SDCCAG8: variants seen among roughly 807,000 people sequenced by gnomAD.
SDCCAG8 encodes SHH signaling and ciliogenesis regulator SDCCAG8, also known as serologically defined colon cancer antigen 8.
Under a neutral mutation model 101.8 loss-of-function variants are expected in SDCCAG8, and 74 were observed. The ratio of observed to expected loss-of-function variants is 0.73; its 90% confidence interval spans 0.60 to 0.88. The LOEUF is 0.88. Among genes scored for constraint, SDCCAG8 ranks in the 40% least tolerant of loss-of-function variants. SDCCAG8 has a pLI of 0.00. For missense variants in SDCCAG8, 787 were observed against 822.6 expected (o/e 0.96, Z 0.53); for synonymous variants, 281 against 292.9 (o/e 0.96, Z 0.41).
rs568203386 is a variant in SDCCAG8, at chr1:243,474,769, C to T, written c.1986-14245C>T. Among the ~76,000 whole-genome samples, 2 of 152,356 alleles carry T rather than the reference C, an allele frequency of 1.3e-5. No homozygotes were observed. The highest frequency in any genetic ancestry group is 2.1e-4 in the South Asian group (1 of 4,830). On this transcript the variant is annotated intron_variant, in intron 16 of 17. Transcript: ENST00000366541. The surrounding 1 kb of genome is among the most constrained non-coding windows in gnomAD (Gnocchi z 4.7). ...AGCGCAGGGCTCGGCTAGATGCGCT[C>T]CTCCTCGGACTGGTTGAGTAAGGGA...
rs1382274752 is a variant in SDCCAG8, at chr1:243,415,795, G to A, written c.1710G>A (p.Lys570=). The part of the protein sequence containing the change: ...AQQREQELTQ[K]IQQMEAQHDK... ...AAAGAGAGCAGGAGCTGACACAGAA[G>A]ATACAGCAAATGGAGGCCCAGCATG... Residue 570 remains lysine, a synonymous_variant, in exon 14 of 18, where the codon AAG becomes AAA. Transcript: ENST00000366541. 2.5e-6 allele frequency: 4 copies of A among 1,613,626 alleles called. No homozygotes were observed. The highest frequency in any genetic ancestry group is 3.4e-6 in the Non-Finnish European group (4 of 1,179,780).
At position 243,360,152 on chromosome 1, in the gene SDCCAG8, T is replaced by C. The variant is rs1337457268; in HGVS notation, c.1473+15821T>C. Among the ~76,000 whole-genome samples the C allele has an allele frequency of 4.0e-5, 6 of 148,802 alleles. No individual in the cohort carries two copies. The South Asian group carries it at 6.5e-4, about 16-fold the overall frequency. On this transcript the variant is annotated intron_variant, in intron 12 of 17. Coordinates refer to ENST00000366541, the MANE Select transcript of SDCCAG8 (RefSeq NM_006642.5). The stretch of plus-strand genomic sequence containing the variant: ...TGTTATTGCAACAGTCTCTTTTTTT[T>C]TTTTTTTTTTTGAGATGGTGTCTCG...
chr1:243,384,782 G>GA (rs541341669), intron 13 of SDCCAG8, among the ~76,000 whole-genome samples: 1,696 of 149,764 alleles, frequency 0.011, 21 homozygotes, highest in Non-Finnish European at 0.015. Flanking sequence ...ATCTCTGGGG[G>GA]AAAAAAAAAT....
At chr1:243,392,275 A>G (rs1351334177) in intron 13 of SDCCAG8, among the ~76,000 whole-genome samples, 2 of 152,216 alleles carry the variant, frequency 1.3e-5, no homozygotes, top group Non-Finnish European at 2.9e-5. Flanking sequence ...GGGCATGACC[A>G]CCTGACTGAA....
At chr1:243,304,306 C>T (rs755835518) in intron 6 of SDCCAG8, among the ~76,000 whole-genome samples, 4 of 152,186 alleles carry the variant, frequency 2.6e-5, no homozygotes, top group Non-Finnish European at 5.9e-5. Flanking sequence ...AGTCTATCAT[C>T]ATGTGATATA....
chr1:243,313,268 C>A, intron 8 of SDCCAG8, among the ~76,000 whole-genome samples: 1 of 152,028 alleles, frequency 6.6e-6, no homozygotes, highest in African/African-American at 2.4e-5. Flanking sequence ...TTAGTGATAC[C>A]TAATAATGCT....
At chr1:243,287,389 AT>A in intron 5 of SDCCAG8, among the ~76,000 whole-genome samples, 2 of 150,624 alleles carry the variant, frequency 1.3e-5, no homozygotes, top group South Asian at 4.2e-4. Flanking sequence ...TTTCATTGGG[AT>A]ATCCTCTAAT....
chr1:243,422,255 T>C (rs1186273014), intron 15 of SDCCAG8, among the ~76,000 whole-genome samples: 1 of 152,098 alleles, frequency 6.6e-6, no homozygotes, highest in East Asian at 1.9e-4. Context: ...ACAATGGGAG[T>C]CCATGGGGTC....
rs904347808 is a variant in SDCCAG8, at chr1:243,286,190, A to G, written c.421-82A>G. On this transcript the variant is annotated intron_variant, in intron 4 of 17. Transcript: ENST00000366541. Reference sequence around the variant, plus strand: ...GGAGAACATAAGTCTTCCGTACTTTATATCATGCTGTGCCCTCTAATAATC... The same window carrying G: ...GGAGAACATAAGTCTTCCGTACTTTGTATCATGCTGTGCCCTCTAATAATC... 2.6e-5 allele frequency: 35 copies of G among 1,361,150 alleles called. No individual in the cohort carries two copies. In the African/African-American group the frequency reaches 4.0e-4, roughly 16 times the overall value. The allele number at this position is 1,361,150 out of a possible 1,614,324, so 84.3% of individuals were successfully genotyped here.
intron 12 of SDCCAG8, chr1:243,346,050 T>A (rs1001849315): frequency 6.5e-6 from 1 of 153,456 alleles, no homozygotes; most frequent in Non-Finnish European, 1.5e-5. Context: ...ATGTGCTTGT[T>A]ACCATTTTTT....
rs11299406 is a variant in SDCCAG8 at position 243,462,868 on chromosome 1, C to CA, written c.1986-26137dup. 3.9e-4 allele frequency among the ~76,000 whole-genome samples: 58 copies of CA among 150,438 alleles called. No homozygotes were observed. The South Asian group carries it at 4.2e-3, about 11-fold the overall frequency. On this transcript the variant is annotated intron_variant, in intron 16 of 17. Coordinates refer to ENST00000366541, the MANE Select transcript of SDCCAG8 (RefSeq NM_006642.5). ...TGGCAAAAAACAAAACAAAACAAAA[C>CA]AAAAAAAAACCCTAGGCTCTTTGGA...
rs565402886 is a variant in SDCCAG8, at chr1:243,367,150, G to A, written c.1474-11571G>A. Among the ~76,000 whole-genome samples, 18 of 152,084 alleles carry A rather than the reference G, an allele frequency of 1.2e-4. No individual in the cohort carries two copies. In the South Asian group the frequency reaches 2.5e-3, roughly 21 times the overall value. ...TATTCCTTTTATTATGCTGTGATAT[G>A]TTTTCCTGCATTTTGGGTAACTGTT... is the stretch of plus-strand genomic sequence containing the variant. On this transcript the variant is annotated intron_variant, in intron 12 of 17. Coordinates refer to ENST00000366541, the MANE Select transcript of SDCCAG8 (RefSeq NM_006642.5).
At chr1:243,413,989 A>G (rs1342543689) in intron 13 of SDCCAG8, among the ~76,000 whole-genome samples, 1 of 152,194 alleles carries the variant, frequency 6.6e-6, no homozygotes, top group African/African-American at 2.4e-5. Flanking sequence ...GTATAACAAC[A>G]TCCAATCATG....
intron 13 of SDCCAG8, among the ~76,000 whole-genome samples, chr1:243,391,151 A>G (rs1181812556): frequency 6.6e-6 from 1 of 152,130 alleles, no homozygotes; most frequent in Non-Finnish European, 1.5e-5. Context: ...TGTTCTTTAC[A>G]TCAGTTGTTA....
rs574822345 is a variant in SDCCAG8 at position 243,468,721 on chromosome 1, C to T, written c.1986-20293C>T. ...TAATTAATAAAAATAAAATGGCTGA[C>T]AAAGCATTTAGTACAGTAACTGCAC... is the stretch of plus-strand genomic sequence containing the variant. On this transcript the variant is annotated intron_variant, in intron 16 of 17. Transcript: ENST00000366541. Among the ~76,000 whole-genome samples the T allele has an allele frequency of 2.1e-4, 32 of 152,296 alleles. 1 individual carries two copies. The South Asian group carries it at 6.4e-3, about 31-fold the overall frequency.
chr1:243,431,128 C>T (rs761339142), intron 16 of SDCCAG8, among the ~76,000 whole-genome samples: 4 of 152,072 alleles, frequency 2.6e-5, no homozygotes, highest in Non-Finnish European at 5.9e-5. Flanking sequence ...ACCCGGGAGG[C>T]GGAGGTTGCA....
chr1:243,286,360 A>G lies in SDCCAG8; in HGVS notation c.509A>G (p.Glu170Gly). ...LQQQLKSQRQ[E>G]ETLREQTLLD... ...CAACAGCTAAAATCTCAAAGACAAG[A>G]GGAGACACTGAGGGAACAAACACTT... is the stretch of plus-strand genomic sequence containing the variant. Residue 170 changes from glutamate (E) to glycine (G), a missense_variant, in exon 5 of 18, where the codon GAG becomes GGG. Physicochemically the swap from Glu to Gly is moderately conservative, Grantham distance 98 (BLOSUM62 -2). Transcript: ENST00000366541. 1 of 1,614,076 alleles carries G rather than the reference A, an allele frequency of 6.2e-7. No homozygotes were observed. Among genetic ancestry groups the G allele is most frequent in the African/African-American group, 1.3e-5 (1 of 75,064 alleles).
chr1:243,468,219 AG>A (rs1300967573), intron 16 of SDCCAG8, among the ~76,000 whole-genome samples: 1 of 150,022 alleles, frequency 6.7e-6, no homozygotes, highest in African/African-American at 2.5e-5. Flanking sequence ...CCTTCTTCAA[AG>A]GTTTTTTTTT....
intron 16 of SDCCAG8, among the ~76,000 whole-genome samples, chr1:243,441,007 A>C (rs1391583774): frequency 6.6e-6 from 1 of 152,168 alleles, no homozygotes; most frequent in African/African-American, 2.4e-5. Flanking sequence ...TTATCCATAA[A>C]AGAATTTATT....
Sources: gnomAD v4.1 joint callset for allele counts (sites outside exome capture counted in the v4.1 genomes callset) on GRCh38, gnomAD v4.1.1 for gene constraint, Gnocchi (gnomAD v3.1) non-coding constraint, MANE v1.5 for transcripts, NCBI Gene and HGNC (gene_info 2026-07-23, HGNC 2026-07-21) for gene names.